BMPR1B: variants seen among roughly 807,000 people sequenced by gnomAD.
BMPR1B encodes bone morphogenetic protein receptor type 1B, also known as bone morphogenetic protein receptor type-1B.
In BMPR1B, 12 loss-of-function variants were observed where a neutral mutation model predicts 59.1. The observed-to-expected ratio is 0.20, with a 90% CI of 0.13 to 0.33. The LOEUF is 0.33. Ranked by LOEUF, BMPR1B falls within the 10% of genes least tolerant of loss-of-function variation. The pLI is 1.00. For missense variants in BMPR1B, 550 were observed against 610.9 expected (o/e 0.90, Z 1.05); for synonymous variants, 237 against 207.3 (o/e 1.14, Z -1.23).
intron 3 of BMPR1B, among the ~76,000 whole-genome samples, chr4:95,070,495 A>C (rs941516800): frequency 6.6e-6 from 1 of 152,160 alleles, no homozygotes; most frequent in African/African-American, 2.4e-5. Flanking sequence ...CTTGAAAAAG[A>C]AGAGTAACTT....
At chr4:95,121,740 A>G (rs1353272955) in intron 6 of BMPR1B, among the ~76,000 whole-genome samples, 1 of 152,190 alleles carries the variant, frequency 6.6e-6, no homozygotes, top group Non-Finnish European at 1.5e-5. Flanking sequence ...AATTATTTCA[A>G]AATAATTAAA....
intron 3 of BMPR1B, among the ~76,000 whole-genome samples, chr4:95,088,831 A>G (rs1480490326): frequency 6.6e-6 from 1 of 152,160 alleles, no homozygotes; most frequent in African/African-American, 2.4e-5. Context: ...GAAGATCAAC[A>G]GACTTGACCA....
chr4:94,767,001 G>T (rs1323065257), intron 1 of BMPR1B, among the ~76,000 whole-genome samples: 1 of 152,000 alleles, frequency 6.6e-6, no homozygotes, highest in African/African-American at 2.4e-5. Context: ...TAAGCAGTTG[G>T]CAATTCTGTT....
chr4:94,980,642 T>C (rs1731200706), intron 2 of BMPR1B, among the ~76,000 whole-genome samples: 1 of 152,172 alleles, frequency 6.6e-6, no homozygotes, highest in African/African-American at 2.4e-5. Context: ...GAGGTAATGG[T>C]GTCCTGTCCA....
intron 2 of BMPR1B, among the ~76,000 whole-genome samples, chr4:94,945,754 TA>T (rs1415094119): frequency 6.6e-6 from 1 of 152,232 alleles, no homozygotes; most frequent in Admixed American, 6.5e-5. Flanking sequence ...TTATGACATA[TA>T]AGTTATATTT....
chr4:94,995,379 C>T lies in BMPR1B; in HGVS notation c.-112-661C>T, dbSNP rs936624578. On this transcript the variant is annotated intron_variant, in intron 2 of 12. Coordinates refer to ENST00000515059, the MANE Select transcript of BMPR1B (RefSeq NM_001203.3). ...TTCTGTCATTCTCTAAATGAACTTA[C>T]GTTGACATATTTTTTTGTGACCAAT... 6.3e-4 allele frequency among the ~76,000 whole-genome samples: 21 copies of T among 33,264 alleles called. No individual in the cohort carries two copies. The East Asian group carries it at 0.011, about 17-fold the overall frequency. 21.8% of individuals were successfully genotyped at this position (33,264 alleles called of 152,430 possible).
intron 3 of BMPR1B, among the ~76,000 whole-genome samples, chr4:95,000,397 G>C (rs1822828): frequency 6.6e-6 from 1 of 151,898 alleles, no homozygotes; most frequent in East Asian, 1.9e-4. Flanking sequence ...AATATGTGGA[G>C]TGGGGAGGCT....
chr4:94,843,642 T>C (rs1199870827), intron 1 of BMPR1B, among the ~76,000 whole-genome samples: 3 of 150,926 alleles, frequency 2.0e-5, no homozygotes, highest in Non-Finnish European at 2.9e-5. Context: ...TATTATTGTA[T>C]GTGTTTAGTC....
Position 95,142,131 on chromosome 4 carries a change from A to G in BMPR1B, c.1077-6617A>G, listed in dbSNP as rs530730077. Among the ~76,000 whole-genome samples, 7 of 152,216 alleles carry G rather than the reference A, an allele frequency of 4.6e-5. No individual in the cohort carries two copies. In the South Asian group the frequency reaches 1.4e-3, roughly 32 times the overall value. ...CTAAGATACCCTGAGATTTCTTGGG[A>G]TTTTATCATAGCAGCATTGAATGTT... is the stretch of plus-strand genomic sequence containing the variant. On this transcript the variant is annotated intron_variant, in intron 10 of 12. Coordinates refer to ENST00000515059, the MANE Select transcript of BMPR1B (RefSeq NM_001203.3).
intron 2 of BMPR1B, among the ~76,000 whole-genome samples, chr4:94,956,982 G>T (rs1018795143): frequency 3.3e-5 from 5 of 152,116 alleles, no homozygotes; most frequent in Non-Finnish European, 7.4e-5. Flanking sequence ...GGTAAAAATT[G>T]TAAAGCAGTC....
Position 94,907,120 on chromosome 4 carries a change from G to A in BMPR1B, c.-113+31220G>A, listed in dbSNP as rs1019980614. ...GCAATAGAACAATCAGAATGCACATGCCTATGCTTTATCCTAGATGTGTTA... is the reference window on the plus strand; with the variant it reads ...GCAATAGAACAATCAGAATGCACATACCTATGCTTTATCCTAGATGTGTTA... On this transcript the variant is annotated intron_variant, in intron 2 of 12. Coordinates refer to ENST00000515059, the MANE Select transcript of BMPR1B (RefSeq NM_001203.3). 2.0e-5 allele frequency among the ~76,000 whole-genome samples: 3 copies of A among 152,122 alleles called. No individual in the cohort carries two copies. The East Asian group carries it at 5.8e-4, about 30-fold the overall frequency.
At chr4:94,996,906 GC>G (rs1210640852) in intron 3 of BMPR1B, among the ~76,000 whole-genome samples, 1 of 152,176 alleles carries the variant, frequency 6.6e-6, no homozygotes, top group Non-Finnish European at 1.5e-5. Context: ...CGGTGCTGTA[GC>G]ATGTTCATCT....
Position 95,114,765 on chromosome 4 carries a change from G to A in BMPR1B, c.189G>A (p.Gly63=). The change falls in exon 5 of 13, where the codon GGG becomes GGA. Residue 63 remains glycine (G), a synonymous_variant. Coordinates refer to ENST00000515059, the MANE Select transcript of BMPR1B (RefSeq NM_001203.3). Reference sequence around the variant, plus strand: ...CGATGATAGAAGAGGATGACTCTGGGTTGCCTGTGGTCACTTCTGGTTGCC... The same window carrying A: ...CGATGATAGAAGAGGATGACTCTGGATTGCCTGTGGTCACTTCTGGTTGCC... ...CFTMIEEDDS[G]LPVVTSGCLG... is the part of the protein sequence containing the mutation. 6.2e-7 allele frequency: 1 copy of A among 1,613,810 alleles called. No individual in the cohort carries two copies. The highest frequency in any genetic ancestry group is 8.5e-7 in the Non-Finnish European group (1 of 1,179,862).
intron 4 of BMPR1B, among the ~76,000 whole-genome samples, chr4:95,109,397 C>G (rs1000916891): frequency 6.6e-6 from 1 of 152,002 alleles, no homozygotes; most frequent in African/African-American, 2.4e-5. Context: ...GGGGCTGGAG[C>G]CTTTTTACAA....
At chr4:95,125,914 C>T (rs1732873618) in intron 8 of BMPR1B, among the ~76,000 whole-genome samples, 1 of 152,144 alleles carries the variant, frequency 6.6e-6, no homozygotes, top group Non-Finnish European at 1.5e-5. Flanking sequence ...CTGACGTCTC[C>T]TCCCACCTCT....
At chr4:94,772,619 AATAAG>A (rs1722226048) in intron 1 of BMPR1B, among the ~76,000 whole-genome samples, 1 of 152,236 alleles carries the variant, frequency 6.6e-6, no homozygotes, top group Non-Finnish European at 1.5e-5. Context: ...GCAAAAATGT[AATAAG>A]ATATAGTATA....
intron 1 of BMPR1B, among the ~76,000 whole-genome samples, chr4:94,863,540 AGCCCTCTGTATTTAGT>A (rs2148959497): frequency 6.6e-6 from 1 of 152,330 alleles, no homozygotes; most frequent in Non-Finnish European, 1.5e-5. Flanking sequence ...TGAAGAAAAT[AGCCCTCTGTATTTAGT>A]TTGCAGTTGC....
chr4:94,898,994 C>T (rs1220184754), intron 2 of BMPR1B, among the ~76,000 whole-genome samples: 1 of 152,044 alleles, frequency 6.6e-6, no homozygotes, highest in South Asian at 2.1e-4. Flanking sequence ...AAATCGTTGT[C>T]CCTGAGTTGG....
At chr4:94,969,226 G>A (rs1352135828) in intron 2 of BMPR1B, among the ~76,000 whole-genome samples, 2 of 151,930 alleles carry the variant, frequency 1.3e-5, no homozygotes, top group Non-Finnish European at 2.9e-5. Flanking sequence ...TAGTAGAGAC[G>A]GGGTTTCACC....
Sources: allele counts gnomAD v4.1 joint callset (sites outside exome capture counted in the v4.1 genomes callset), GRCh38; gene constraint gnomAD v4.1.1; transcripts MANE v1.5; gene names NCBI Gene and HGNC (gene_info 2026-07-23, HGNC 2026-07-21).